C10orf143: variants seen among roughly 807,000 people sequenced by gnomAD.
C10orf143 encodes uncharacterized protein C10orf143.
chr10:130,106,975 T>G (rs1412604975), intron 1 of C10orf143: 3 of 1,044,802 alleles, frequency 2.9e-6, no homozygotes, highest in Non-Finnish European at 4.5e-6. Flanking sequence ...TAAAAGGAGC[T>G]CTGAAGAAAC....
chr10:130,087,466 C>T (rs1861308921), intron 1 of C10orf143, among the ~76,000 whole-genome samples: 1 of 152,194 alleles, frequency 6.6e-6, no homozygotes, highest in South Asian at 2.1e-4. Context: ...GAAATAGACG[C>T]TGTTTCAAAC....
chr10:130,075,803 C>A (rs983715777), intron 3 of C10orf143, among the ~76,000 whole-genome samples: 1 of 152,118 alleles, frequency 6.6e-6, no homozygotes, highest in South Asian at 2.1e-4. Context: ...CTCTCTCCTG[C>A]TGCCATGGTA....
At chr10:130,046,082 C>T (rs1401712760) in intron 3 of C10orf143, among the ~76,000 whole-genome samples, 1 of 148,344 alleles carries the variant, frequency 6.7e-6, no homozygotes, top group Non-Finnish European at 1.5e-5. Flanking sequence ...CAGGGAGTGG[C>T]TCAGGGCATG....
At chr10:130,055,361 A>T (rs1310748330) in intron 3 of C10orf143, among the ~76,000 whole-genome samples, 3 of 152,232 alleles carry the variant, frequency 2.0e-5, no homozygotes, top group African/African-American at 7.2e-5. Flanking sequence ...CATATCTGAT[A>T]AAAGGTCAAT....
At chr10:130,092,786 C>T (rs1861402146) in intron 1 of C10orf143, among the ~76,000 whole-genome samples, 1 of 152,032 alleles carries the variant, frequency 6.6e-6, no homozygotes, top group Non-Finnish European at 1.5e-5. Flanking sequence ...ATAAAACAGA[C>T]TTTAAACCAA....
In C10orf143 at chr10:130,037,183, C is replaced by T. The variant is rs369016617; in HGVS notation, c.298-1213G>A. Among the ~76,000 whole-genome samples the T allele has an allele frequency of 2.6e-5, 4 of 152,310 alleles. No homozygotes were observed. In the East Asian group the frequency reaches 5.8e-4, roughly 22 times the overall value. ...AGGGGACAGGGCGATGCCCTCTGCC[C>T]TGTGGGAGGAGATGGGTGAGCAACA... On this transcript the variant is annotated intron_variant and NMD_transcript_variant, in intron 3 of 5. Coordinates refer to the C10orf143 transcript ENST00000643056.
At chr10:130,106,897 C>G (rs750587597) in intron 1 of C10orf143, 7 of 1,041,000 alleles carry the variant, frequency 6.7e-6, no homozygotes, top group Admixed American at 1.7e-5. Context: ...TTAGAGAAGA[C>G]GTAACGGATG....
At chr10:130,101,785 G>T (rs768856764) in intron 1 of C10orf143, among the ~76,000 whole-genome samples, 1 of 133,040 alleles carries the variant, frequency 7.5e-6, no homozygotes, top group Admixed American at 9.2e-5. Flanking sequence ...TCTTGAACCC[G>T]GGAGACAGAG....
chr10:130,063,103 T>C (rs141442653), downstream of C10orf143, among the ~76,000 whole-genome samples: 290 of 152,222 alleles, frequency 1.9e-3, 5 homozygotes, highest in African/African-American at 6.6e-3. Context: ...GGCATTTTCC[T>C]TGGGGCAGGA....
At position 130,092,890 on chromosome 10, in the gene C10orf143, C is replaced by T. The variant is rs185676338; in HGVS notation, c.70-12989G>A. On this transcript the variant is annotated intron_variant, in intron 1 of 3. Coordinates refer to ENST00000637128, the MANE Select transcript of C10orf143 (RefSeq NM_001355042.2). ...TAACTATCCTAAGTATATATGCACCCAATAGAGGAGCACCCAGATTCATAA... is the reference window on the plus strand; with the variant it reads ...TAACTATCCTAAGTATATATGCACCTAATAGAGGAGCACCCAGATTCATAA... Among the ~76,000 whole-genome samples the T allele has an allele frequency of 1.0e-3, 152 of 152,168 alleles. 1 individual carries two copies. The highest frequency in any genetic ancestry group is 2.4e-4 in the Non-Finnish European group (16 of 68,008).
chr10:130,106,533 A>C (rs1281027215), intron 1 of C10orf143: 1 of 1,596,704 alleles, frequency 6.3e-7, no homozygotes, highest in African/African-American at 1.3e-5. Context: ...TCGCAACAAA[A>C]TGAATTGATG....
intron 1 of C10orf143, chr10:130,101,242 T>C (rs1051457668): frequency 1.3e-5 from 2 of 151,866 alleles, no homozygotes; most frequent in Non-Finnish European, 2.9e-5. Context: ...ATCTATCTAT[T>C]TATCTAGGCT....
intron 1 of C10orf143, among the ~76,000 whole-genome samples, chr10:130,097,185 A>G (rs1307356952): frequency 1.3e-5 from 2 of 152,124 alleles, no homozygotes; most frequent in African/African-American, 4.8e-5. Context: ...AAGGGGCAAA[A>G]GATGTGAAGA....
rs763496566 is a variant in C10orf143, at chr10:130,106,561, G to A, written c.69+4143C>T. On this transcript the variant is annotated intron_variant, in intron 1 of 3. Transcript: ENST00000637128. ...AATTGATGGCGGATATTTCAAAAACGATACAGCCTCTAGCAGATGAGTCAG... is the reference window on the plus strand; with the variant it reads ...AATTGATGGCGGATATTTCAAAAACAATACAGCCTCTAGCAGATGAGTCAG... 4 of 1,579,300 alleles carry A rather than the reference G, an allele frequency of 2.5e-6. No homozygotes were observed. The Admixed American group carries it at 5.0e-5, about 20-fold the overall frequency.
intron 1 of C10orf143, among the ~76,000 whole-genome samples, chr10:130,095,567 C>G (rs897781046): frequency 3.9e-5 from 6 of 152,178 alleles, no homozygotes; most frequent in Non-Finnish European, 7.3e-5. Flanking sequence ...GTAAACAAAA[C>G]AGCATGGTAC....
At chr10:130,039,260 T>A (rs542360923) in intron 3 of C10orf143, among the ~76,000 whole-genome samples, 2 of 152,230 alleles carry the variant, frequency 1.3e-5, no homozygotes, top group South Asian at 4.1e-4. Context: ...GGTCGGCTCA[T>A]GTGATTTTGG....
At chr10:130,106,188 C>T (rs778254735) in intron 1 of C10orf143, 16 of 949,570 alleles carry the variant, frequency 1.7e-5, no homozygotes, top group Non-Finnish European at 2.6e-5. Flanking sequence ...ATATGTGCAG[C>T]TGTTGCTGCA....
At chr10:130,064,642 C>T (rs1312829827) in intron 3 of C10orf143, among the ~76,000 whole-genome samples, 2 of 152,098 alleles carry the variant, frequency 1.3e-5, no homozygotes, top group African/African-American at 2.4e-5. Context: ...TCCTATAGTA[C>T]TTTGAGGAAT....
intron 3 of C10orf143, among the ~76,000 whole-genome samples, chr10:130,048,815 G>A (rs1860705717): frequency 6.6e-6 from 1 of 151,868 alleles, no homozygotes; most frequent in Non-Finnish European, 1.5e-5. Context: ...CAATCCTCCC[G>A]CCTCAGTCCC....
Sources: allele counts gnomAD v4.1 joint callset (sites outside exome capture counted in the v4.1 genomes callset), GRCh38; gene constraint gnomAD v4.1.1; transcripts MANE v1.5; gene names NCBI Gene and HGNC (gene_info 2026-07-23, HGNC 2026-07-21).